Variants in HDAC8 observed in about 807,000 individuals in gnomAD.
The protein encoded by HDAC8 is histone deacetylase-like 1.
HDAC8 carries 1 observed loss-of-function variant against 32.2 expected under a neutral mutation model. The observed-to-expected ratio is 0.03, with a 90% CI of 0.01 to 0.15. The LOEUF (loss-of-function observed/expected upper bound fraction) is 0.15, where lower values mean the gene tolerates loss of function less well. HDAC8 is among the 10% of genes least tolerant of loss of function. HDAC8 has a pLI of 1.00. For missense variants in HDAC8, 117 were observed against 300.0 expected (o/e 0.39, Z 4.51); for synonymous variants, 108 against 113.9 (o/e 0.95, Z 0.33).
chrX:72,394,402 G>T lies in HDAC8; in HGVS notation c.1006-42564C>A, dbSNP rs781871447. ...TGACCTCTCACCACAAAATTCTGTG[G>T]TTTTTGTCCAATAATGGTAAAAGAC... On this transcript the variant is annotated intron_variant, in intron 9 of 10. Transcript: ENST00000373573. Among the ~76,000 whole-genome samples, 5 of 112,228 alleles carry T rather than the reference G, an allele frequency of 4.5e-5. No individual in the cohort carries two copies. The South Asian group carries it at 1.9e-3, about 42-fold the overall frequency.
chrX:72,564,201 TTTGA>T (rs782571953), intron 4 of HDAC8, among the ~76,000 whole-genome samples: 14 of 112,166 alleles, frequency 1.2e-4, no homozygotes, highest in Non-Finnish European at 2.4e-4. Context: ...TTTACATTTC[TTTGA>T]TTAGTAGTGA....
intron 10 of HDAC8, among the ~76,000 whole-genome samples, chrX:72,336,003 C>T (rs930442769): frequency 4.5e-5 from 5 of 110,955 alleles, no homozygotes; most frequent in African/African-American, 6.5e-5. Flanking sequence ...TGCAGGTTTT[C>T]GTGTGGACAT....
intron 9 of HDAC8, among the ~76,000 whole-genome samples, chrX:72,410,307 G>A: frequency 9.0e-6 from 1 of 110,872 alleles, no homozygotes; most frequent in South Asian, 3.9e-4. Context: ...AGAGCTGGGA[G>A]GAGGCAATGA....
intron 9 of HDAC8, among the ~76,000 whole-genome samples, chrX:72,401,091 C>T (rs924871153): frequency 8.9e-6 from 1 of 112,110 alleles, no homozygotes; most frequent in African/African-American, 3.2e-5. Context: ...TGGGTATATA[C>T]TTAGGAGTGG....
intron 9 of HDAC8, among the ~76,000 whole-genome samples, chrX:72,406,205 G>T (rs2046034299): frequency 9.0e-6 from 1 of 111,328 alleles, no homozygotes; most frequent in Non-Finnish European, 1.9e-5. Flanking sequence ...GGTGCTTGAG[G>T]CATTACACAA....
chrX:72,553,661 A>G (rs782321242), intron 4 of HDAC8, among the ~76,000 whole-genome samples: 24 of 111,769 alleles, frequency 2.1e-4, no homozygotes, highest in Non-Finnish European at 4.1e-4. Context: ...CCCTGCAGAT[A>G]CCAAAATCCA....
chrX:72,550,021 T>C (rs1480622060), intron 4 of HDAC8, among the ~76,000 whole-genome samples: 4 of 112,052 alleles, frequency 3.6e-5, no homozygotes, highest in Non-Finnish European at 7.5e-5. Flanking sequence ...AAGCTGAAGT[T>C]CTTAATCTAG....
chrX:72,570,225 C>T (rs1370019423), intron 2 of HDAC8, among the ~76,000 whole-genome samples: 1 of 111,683 alleles, frequency 9.0e-6, no homozygotes, highest in Non-Finnish European at 1.9e-5. Context: ...TGTAATATCT[C>T]GGACCGTATT....
At chrX:72,380,780 T>TA (rs1323013934) in intron 9 of HDAC8, among the ~76,000 whole-genome samples, 22 of 106,344 alleles carry the variant, frequency 2.1e-4, no homozygotes, top group South Asian at 4.0e-4. Context: ...ACAATAAAAA[T>TA]AAAAAAAAAA....
chrX:72,475,723 C>A (rs1387638085), intron 7 of HDAC8, among the ~76,000 whole-genome samples: 1 of 110,408 alleles, frequency 9.1e-6, no homozygotes, highest in African/African-American at 3.3e-5. Flanking sequence ...CTGCTTTTAG[C>A]ATCAAACAAG....
intron 4 of HDAC8, among the ~76,000 whole-genome samples, chrX:72,524,238 CTTTA>C (rs782477430): frequency 8.9e-6 from 1 of 111,962 alleles, no homozygotes; most frequent in South Asian, 3.7e-4. Flanking sequence ...CTTCTGAGCT[CTTTA>C]TTTACTTATC....
At chrX:72,398,843 A>T (rs2045831372) in intron 9 of HDAC8, among the ~76,000 whole-genome samples, 1 of 99,091 alleles carries the variant, frequency 1.0e-5, no homozygotes. Context: ...TCGGTACTTT[A>T]TGTTTTTTTT....
chrX:72,529,537 C>T (rs1164970345), intron 4 of HDAC8, among the ~76,000 whole-genome samples: 1 of 112,000 alleles, frequency 8.9e-6, no homozygotes, highest in African/African-American at 3.2e-5. Flanking sequence ...TGTAGCCCTG[C>T]CCATACCTTG....
At chrX:72,331,379 A>G (rs1271055856) in intron 10 of HDAC8, among the ~76,000 whole-genome samples, 1 of 111,702 alleles carries the variant, frequency 9.0e-6, no homozygotes, top group Admixed American at 9.5e-5. Context: ...ATCCTTTTGC[A>G]ATCACATCTT....
chrX:72,499,784 A>C (rs1475783468), intron 4 of HDAC8, among the ~76,000 whole-genome samples: 1 of 111,844 alleles, frequency 8.9e-6, no homozygotes. Context: ...AAGCAAAATC[A>C]GAGCTGAACT....
intron 7 of HDAC8, among the ~76,000 whole-genome samples, chrX:72,466,425 C>T (rs1238452436): frequency 3.6e-5 from 4 of 112,186 alleles, no homozygotes; most frequent in Admixed American, 2.8e-4. Flanking sequence ...TCAGAAATGG[C>T]ACAGAGTAGG....
At chrX:72,356,174 G>A (rs1231199111) in intron 9 of HDAC8, among the ~76,000 whole-genome samples, 9 of 111,769 alleles carry the variant, frequency 8.1e-5, no homozygotes, top group Admixed American at 2.8e-4. Context: ...TGTGTGGAGC[G>A]GAGATTTGAA....
Position 72,489,541 on chromosome X carries a change from C to A in HDAC8, c.629-500G>T, listed in dbSNP as rs1347858118. Among the ~76,000 whole-genome samples, 4 of 110,944 alleles carry A rather than the reference C, an allele frequency of 3.6e-5. No individual in the cohort carries two copies. The Admixed American group carries it at 3.8e-4, about 11-fold the overall frequency. ...TAATAAATGGTGCTGGGAAAACTGG[C>A]TAGCCATATGTAGAAAGCTGAAACT... is the stretch of plus-strand genomic sequence containing the variant. On this transcript the variant is annotated intron_variant, in intron 6 of 10. Coordinates refer to ENST00000373573, the MANE Select transcript of HDAC8 (RefSeq NM_018486.3).
At position 72,489,001 on chromosome X, in the gene HDAC8, C is replaced by A. The variant is rs781936798; in HGVS notation, c.669G>T (p.Arg223=). 7.5e-6 allele frequency: 9 copies of A among 1,193,539 alleles called. No homozygotes were observed. In the East Asian group the frequency reaches 2.7e-4, roughly 36 times the overall value. The change falls in exon 7 of 11, where the codon CGG becomes CGT. Residue 223 remains arginine, a synonymous_variant. Coordinates refer to ENST00000373573, the MANE Select transcript of HDAC8 (RefSeq NM_018486.3). ...DVSDVGLGKG[R]YYSVNVPIQD... is the part of the protein sequence containing the mutation. ...GAATGGGCACATTTACACTGTAGTA[C>A]CGTCCCTTCCCTAGGCCAACATCAG... is the stretch of plus-strand genomic sequence containing the variant.
Sources: allele counts gnomAD v4.1 joint callset (sites outside exome capture counted in the v4.1 genomes callset), GRCh38; gene constraint gnomAD v4.1.1; transcripts MANE v1.5; gene names NCBI Gene and HGNC (gene_info 2026-07-23, HGNC 2026-07-21).